Variants in ATF2 observed in about 807,000 individuals in gnomAD.
The protein encoded by ATF2 is cyclic AMP-dependent transcription factor ATF-2.
Under a neutral mutation model 60.6 loss-of-function variants are expected in ATF2, and 24 were observed. The ratio of observed to expected loss-of-function variants is 0.40; its 90% CI spans 0.29 to 0.56. The LOEUF (loss-of-function observed/expected upper bound fraction) is 0.56, where lower values mean the gene tolerates loss of function less well. Ranked by LOEUF, ATF2 falls within the 20% of genes least tolerant of loss-of-function variation. ATF2 has a pLI of 0.54. For missense variants in ATF2, 433 were observed against 607.7 expected, an observed-to-expected ratio of 0.71 and a Z score of 3.02; for synonymous variants, 206 against 215.4, an observed-to-expected ratio of 0.96 and a Z score of 0.38.
chr2:175,128,526 A>T lies in ATF2; in HGVS notation c.102+1612T>A, dbSNP rs1697509048. 2.0e-5 allele frequency among the ~76,000 whole-genome samples: 3 copies of T among 152,030 alleles called. No homozygotes were observed. In the South Asian group the frequency reaches 6.2e-4, roughly 31 times the overall value. On this transcript the variant is annotated intron_variant, in intron 4 of 13. Transcript: ENST00000264110. ...AAAAAAAAAAAAAAAGTTAGCTTCAACCCCTATCTCACACCATACACAAAA... is the reference window on the plus strand; with the variant it reads ...AAAAAAAAAAAAAAAGTTAGCTTCATCCCCTATCTCACACCATACACAAAA...
At chr2:175,161,742 T>G (rs1334582008) in intron 1 of ATF2, among the ~76,000 whole-genome samples, 1 of 149,506 alleles carries the variant, frequency 6.7e-6, no homozygotes, top group Non-Finnish European at 1.5e-5. Context: ...AACTATGAAA[T>G]GTATAGTTCA....
chr2:175,114,307 G>C, intron 8 of ATF2, 199 bp from the exon 9 acceptor site: 5 of 1,307,562 alleles, frequency 3.8e-6, no homozygotes, highest in Non-Finnish European at 2.9e-6. Flanking sequence ...GAAAAGAAGA[G>C]AAAAGTTATG....
At chr2:175,167,035 G>C (rs1700394018) in intron 1 of ATF2, among the ~76,000 whole-genome samples, 1 of 152,114 alleles carries the variant, frequency 6.6e-6, no homozygotes, top group Admixed American at 6.6e-5. Context: ...TAAAATTTCT[G>C]ATGCCTAAGG....
At position 175,074,558 on chromosome 2, in the gene ATF2, C is replaced by T; in HGVS notation, c.*51G>A. ...TGGAAACTGGTCTTTCCTTGATTTC[C>T]CTTTGAAGTCACTAATGAGTATCTA... On this transcript the variant is annotated 3_prime_UTR_variant, in exon 14 of 14. Coordinates refer to ENST00000264110, the MANE Select transcript of ATF2 (RefSeq NM_001880.4). 3 of 1,544,644 alleles carry T rather than the reference C, an allele frequency of 1.9e-6. No individual in the cohort carries two copies. The highest frequency in any genetic ancestry group is 2.6e-6 in the Non-Finnish European group (3 of 1,139,962).
At chr2:175,092,948 A>G in intron 12 of ATF2, 113 bp downstream of exon 12, 5 of 1,063,526 alleles carry the variant, frequency 4.7e-6, no homozygotes, top group Non-Finnish European at 6.8e-6. Flanking sequence ...TAGATTCCAT[A>G]CACACCCAAT....
At chr2:175,103,479 G>A (rs1362310550) in intron 10 of ATF2, among the ~76,000 whole-genome samples, 1 of 151,950 alleles carries the variant, frequency 6.6e-6, no homozygotes, top group Non-Finnish European at 1.5e-5. Context: ...TTAGGTATTT[G>A]CTGATTAGCT....
At chr2:175,142,590 A>T (rs1698620615) in intron 2 of ATF2, among the ~76,000 whole-genome samples, 1 of 152,066 alleles carries the variant, frequency 6.6e-6, no homozygotes, top group African/African-American at 2.4e-5. Context: ...TCTACTTTCA[A>T]TTTTGTTTGT....
intron 11 of ATF2, 65 bp from the exon 12 acceptor site, chr2:175,093,332 A>G: frequency 6.9e-7 from 1 of 1,445,124 alleles, no homozygotes; most frequent in Non-Finnish European, 9.5e-7. Flanking sequence ...CATAGGCAGT[A>G]AAGGGTGTCA....
At chr2:175,123,020 TC>T (rs1191625428) in intron 4 of ATF2, among the ~76,000 whole-genome samples, 3 of 152,050 alleles carry the variant, frequency 2.0e-5, no homozygotes, top group Admixed American at 6.6e-5. Context: ...AGGAGAGTGT[TC>T]AGATGCAACA....
intron 11 of ATF2, among the ~76,000 whole-genome samples, chr2:175,094,573 GT>G (rs1324694970): frequency 6.6e-6 from 1 of 151,944 alleles, no homozygotes; most frequent in African/African-American, 2.4e-5. Flanking sequence ...AATAAAATTT[GT>G]TTTCTCCTAA....
chr2:175,142,176 G>C (rs1020627917), intron 2 of ATF2, among the ~76,000 whole-genome samples: 5 of 148,050 alleles, frequency 3.4e-5, no homozygotes, highest in African/African-American at 1.3e-4. Flanking sequence ...CCTCTTTCCA[G>C]TTTTCTTTTC....
intron 9 of ATF2, among the ~76,000 whole-genome samples, 172 bp downstream of exon 9, chr2:175,113,822 T>C (rs1696368996): frequency 6.6e-6 from 1 of 151,436 alleles, no homozygotes; most frequent in Non-Finnish European, 1.5e-5. Flanking sequence ...AGAGAAAAAA[T>C]AGCTATACCT....
intron 9 of ATF2, among the ~76,000 whole-genome samples, chr2:175,112,724 CA>C (rs1184515483): frequency 6.6e-6 from 1 of 152,154 alleles, no homozygotes; most frequent in Non-Finnish European, 1.5e-5. Context: ...GCTGAGACTA[CA>C]GGTGCTTCCA....
chr2:175,146,101 C>T (rs533936967), intron 2 of ATF2, among the ~76,000 whole-genome samples: 40 of 152,152 alleles, frequency 2.6e-4, no homozygotes, highest in African/African-American at 7.7e-4. Flanking sequence ...AAGAATGTAA[C>T]AGCATCACTT....
chr2:175,147,266 GATTCACACGATAAA>G (rs1699024455), intron 2 of ATF2, among the ~76,000 whole-genome samples: 1 of 152,118 alleles, frequency 6.6e-6, no homozygotes, highest in African/African-American at 2.4e-5. Context: ...TCACTGAAGT[GATTCACACGATAAA>G]ATATTTTATT....
At chr2:175,133,188 CA>C (rs1285415350) in intron 3 of ATF2, among the ~76,000 whole-genome samples, 1 of 151,792 alleles carries the variant, frequency 6.6e-6, no homozygotes, top group African/African-American at 2.4e-5. Context: ...AATGAATAAA[CA>C]AGGCAGTCAT....
chr2:175,114,462 CTA>C (rs1348552903), intron 8 of ATF2: 146 of 1,260,236 alleles, frequency 1.2e-4, no homozygotes, highest in Non-Finnish European at 1.4e-4. Flanking sequence ...GAAAATAAGA[CTA>C]TCTTAAATTC....
At position 175,074,507 on chromosome 2, in the gene ATF2, AT is replaced by A; in HGVS notation, c.*101del. The A allele has an allele frequency of 2.2e-6, 3 of 1,385,392 alleles. No homozygotes were observed. Among genetic ancestry groups the A allele is most frequent in the Non-Finnish European group, 2.9e-6 (3 of 1,043,960 alleles). 85.8% of individuals were successfully genotyped at this position (1,385,392 alleles called of 1,614,324 possible). On this transcript the variant is annotated 3_prime_UTR_variant, in exon 14 of 14. Coordinates refer to ENST00000264110, the MANE Select transcript of ATF2 (RefSeq NM_001880.4). Reference sequence around the variant, plus strand: ...ATTTAATTTCAAGTAAAAAAAAAAAATTTACAACCACAGATTTCGCATAAAT... The same window carrying A: ...ATTTAATTTCAAGTAAAAAAAAAAAATTACAACCACAGATTTCGCATAAAT...
intron 7 of ATF2, among the ~76,000 whole-genome samples, chr2:175,117,054 TTAAC>T (rs1216976050): frequency 4.0e-5 from 6 of 150,570 alleles, no homozygotes; most frequent in East Asian, 1.9e-4. Context: ...ATCCTTCTAT[TTAAC>T]TATTCACTTA....
Sources: gnomAD v4.1 joint callset for allele counts (sites outside exome capture counted in the v4.1 genomes callset) on GRCh38, gnomAD v4.1.1 for gene constraint, MANE v1.5 for transcripts, NCBI Gene and HGNC (gene_info 2026-07-23, HGNC 2026-07-21) for gene names.